RAD51B: variants seen among roughly 807,000 people sequenced by gnomAD.
RAD51B encodes the protein RAD51 paralog B, also known as DNA repair protein RAD51 homolog 2.
In RAD51B, 38 loss-of-function variants were observed where a neutral mutation model predicts 42.2. The ratio of observed to expected loss-of-function variants is 0.90; its 90% CI spans 0.70 to 1.18. The LOEUF is 1.18. Ranked by LOEUF, RAD51B falls within the 50% of genes most tolerant of loss-of-function variation. RAD51B has a pLI of 0.00. For missense variants in RAD51B, 373 were observed against 400.7 expected, an observed-to-expected ratio of 0.93 and a Z score of 0.59; for synonymous variants, 154 against 145.2, an observed-to-expected ratio of 1.06 and a Z score of -0.43.
At chr14:68,541,748 A>T in intron 10 of RAD51B, 1 of 985,414 alleles carries the variant, frequency 1.0e-6, no homozygotes, top group Non-Finnish European at 1.2e-6. Flanking sequence ...AGCTGTTAGT[A>T]TTTAAAACTT....
At chr14:68,545,564 G>C (rs1274724734) in intron 10 of RAD51B, 4 of 455,952 alleles carry the variant, frequency 8.8e-6, no homozygotes, top group African/African-American at 8.0e-5. Context: ...GAAACAGTGT[G>C]AGAAACATTT....
At chr14:68,395,906 A>G (rs755781538) in intron 8 of RAD51B, among the ~76,000 whole-genome samples, 1 of 152,192 alleles carries the variant, frequency 6.6e-6, no homozygotes, top group Non-Finnish European at 1.5e-5. Context: ...TGTTTTTACT[A>G]TTACTTGGTT....
At chr14:68,331,367 C>CAAAAAAGAAAAAAAAAAAAAAAAAA (rs2082345009) in intron 8 of RAD51B, among the ~76,000 whole-genome samples, 1 of 32,948 alleles carries the variant, frequency 3.0e-5, no homozygotes, top group Non-Finnish European at 7.6e-5. Context: ...GACTCTGTCT[C>CAAAAAAGAAAAAAAAAAAAAAAAAA]AAAAAAAAAA....
chr14:68,398,155 A>G (rs1028261283), intron 8 of RAD51B, among the ~76,000 whole-genome samples: 12 of 152,238 alleles, frequency 7.9e-5, no homozygotes, highest in African/African-American at 2.9e-4. Context: ...AAAGCTGGGG[A>G]AGGCCTGGGC....
At chr14:68,668,687 C>G (rs79009704) in intron 11 of RAD51B, among the ~76,000 whole-genome samples, 10,656 of 152,330 alleles carry the variant, frequency 0.07, 520 homozygotes, top group Middle Eastern at 0.12. Context: ...TGGCTCCCCT[C>G]TGCCGCCCGA....
chr14:68,288,333 A>C (rs1028574741), intron 7 of RAD51B, among the ~76,000 whole-genome samples: 2 of 152,264 alleles, frequency 1.3e-5, no homozygotes, highest in African/African-American at 4.8e-5. Flanking sequence ...TGGCATGATT[A>C]GCAAAGCCCT....
intron 7 of RAD51B, among the ~76,000 whole-genome samples, chr14:67,915,255 A>C (rs2044112952): frequency 6.6e-6 from 1 of 152,220 alleles, no homozygotes; most frequent in African/African-American, 2.4e-5. Flanking sequence ...TGTTTTATAA[A>C]AGAAATGGGG....
intron 7 of RAD51B, among the ~76,000 whole-genome samples, chr14:68,185,440 A>G (rs914341756): frequency 6.6e-6 from 1 of 152,232 alleles, no homozygotes; most frequent in Non-Finnish European, 1.5e-5. Flanking sequence ...CGCAAAGACA[A>G]TAACTAAAGA....
chr14:68,006,544 A>G (rs2075594878), intron 7 of RAD51B, among the ~76,000 whole-genome samples: 1 of 152,150 alleles, frequency 6.6e-6, no homozygotes, highest in Non-Finnish European at 1.5e-5. Flanking sequence ...TGTATTTTTA[A>G]TATAACTGGT....
At chr14:67,869,509 T>A (rs1399490396) in intron 5 of RAD51B, among the ~76,000 whole-genome samples, 1 of 152,234 alleles carries the variant, frequency 6.6e-6, no homozygotes, top group South Asian at 2.1e-4. Flanking sequence ...TGGAAAACAC[T>A]CTGCAGGATA....
At chr14:68,394,566 T>A (rs2083857711) in intron 8 of RAD51B, among the ~76,000 whole-genome samples, 1 of 152,254 alleles carries the variant, frequency 6.6e-6, no homozygotes, top group African/African-American at 2.4e-5. Flanking sequence ...AAGGTTTCCT[T>A]GGCAGGATTC....
At chr14:67,841,575 A>G (rs1277323694) in intron 4 of RAD51B, among the ~76,000 whole-genome samples, 1 of 152,220 alleles carries the variant, frequency 6.6e-6, no homozygotes, top group Non-Finnish European at 1.5e-5. Context: ...TTGTTGATCC[A>G]TCTTGAGTTA....
Position 68,547,569 on chromosome 14 carries a change from G to A in RAD51B, c.1037-46916G>A, listed in dbSNP as rs112469373. Among the ~76,000 whole-genome samples the A allele has an allele frequency of 1.4e-3, 217 of 152,254 alleles. 1 individual carries two copies. The highest frequency in any genetic ancestry group is 4.9e-3 in the African/African-American group (205 of 41,558). ...ATCACGGAATCTAAGGTGAACCTCCGGGGCAGGAGACACAGCACTGGCCTT... is the reference window on the plus strand; with the variant it reads ...ATCACGGAATCTAAGGTGAACCTCCAGGGCAGGAGACACAGCACTGGCCTT... On this transcript the variant is annotated intron_variant, in intron 10 of 10. Transcript: ENST00000487270.
At chr14:68,197,746 A>C (rs2140917749) in intron 7 of RAD51B, among the ~76,000 whole-genome samples, 1 of 152,252 alleles carries the variant, frequency 6.6e-6, no homozygotes, top group South Asian at 2.1e-4. Context: ...AATGATATTG[A>C]ATACCTTTTC....
intron 11 of RAD51B, among the ~76,000 whole-genome samples, chr14:68,656,444 G>A (rs1263494935): frequency 6.6e-6 from 1 of 152,158 alleles, no homozygotes; most frequent in Non-Finnish European, 1.5e-5. Flanking sequence ...ACTGAGGACT[G>A]AGGCCTAACA....
chr14:67,939,058 A>G (rs938386494), intron 7 of RAD51B, among the ~76,000 whole-genome samples: 8 of 152,214 alleles, frequency 5.3e-5, no homozygotes, highest in Non-Finnish European at 7.3e-5. Flanking sequence ...AAAAATAATC[A>G]TTTGACATTT....
At chr14:68,097,350 C>T (rs148444289) in intron 7 of RAD51B, among the ~76,000 whole-genome samples, 14 of 151,664 alleles carry the variant, frequency 9.2e-5, no homozygotes, top group Non-Finnish European at 1.6e-4. Flanking sequence ...TAAGGCATGC[C>T]ATGTAGAAGT....
At chr14:68,378,030 A>AT (rs1386877647) in intron 8 of RAD51B, among the ~76,000 whole-genome samples, 4 of 152,156 alleles carry the variant, frequency 2.6e-5, no homozygotes, top group East Asian at 1.9e-4. Flanking sequence ...TCTCCTAGAG[A>AT]TTTTTTAACA....
chr14:68,030,922 C>T (rs762659532), intron 7 of RAD51B, among the ~76,000 whole-genome samples: 44 of 152,060 alleles, frequency 2.9e-4, no homozygotes, highest in Non-Finnish European at 4.9e-4. Context: ...ATAGGAAGGC[C>T]TGAAGAGAGG....
Sources: gnomAD v4.1 joint callset for allele counts (sites outside exome capture counted in the v4.1 genomes callset) on GRCh38, gnomAD v4.1.1 for gene constraint, MANE v1.5 for transcripts, NCBI Gene and HGNC (gene_info 2026-07-23, HGNC 2026-07-21) for gene names.